TENT4B: variants seen among roughly 807,000 people sequenced by gnomAD.
TENT4B encodes terminal nucleotidyltransferase 4B.
In TENT4B, 10 loss-of-function variants were observed where a neutral mutation model predicts 75.0. That is an observed-to-expected ratio of 0.13 (90% CI 0.08 to 0.23). The LOEUF (loss-of-function observed/expected upper bound fraction) is 0.23, where lower values mean the gene tolerates loss of function less well. Ranked by LOEUF, TENT4B falls within the 10% of genes least tolerant of loss-of-function variation. The pLI, the probability that TENT4B is intolerant of heterozygous loss-of-function variation, is 1.00. For missense variants in TENT4B, 579 were observed against 893.8 expected (o/e 0.65, Z 4.49); for synonymous variants, 350 against 357.7 (o/e 0.98, Z 0.24).
chr16:50,184,487 T>G (rs1168991613), intron 1 of TENT4B, among the ~76,000 whole-genome samples: 2 of 151,992 alleles, frequency 1.3e-5, no homozygotes, highest in African/African-American at 4.8e-5. Context: ...GCTAACACGG[T>G]GAAACCCCGT....
intron 1 of TENT4B, among the ~76,000 whole-genome samples, chr16:50,196,479 G>A (rs1240611301): frequency 7.7e-6 from 1 of 129,674 alleles, no homozygotes; most frequent in Non-Finnish European, 1.6e-5. Flanking sequence ...GTAGCTTTTA[G>A]TTTATCATTA....
At chr16:50,163,001 T>TGA (rs1187340853) in intron 1 of TENT4B, among the ~76,000 whole-genome samples, 2 of 152,324 alleles carry the variant, frequency 1.3e-5, no homozygotes, top group Non-Finnish European at 2.9e-5. Flanking sequence ...AATAGATACT[T>TGA]GATCTTCAAA....
At chr16:50,226,878 T>G (rs1044294358) in intron 10 of TENT4B, among the ~76,000 whole-genome samples, 3 of 152,246 alleles carry the variant, frequency 2.0e-5, no homozygotes, top group Non-Finnish European at 4.4e-5. Context: ...CAGTAGTTTC[T>G]TCTAATTCTT....
chr16:50,185,566 A>T (rs146345756), intron 1 of TENT4B, among the ~76,000 whole-genome samples: 1 of 152,294 alleles, frequency 6.6e-6, no homozygotes, highest in East Asian at 1.9e-4. Flanking sequence ...TTTAATTTAC[A>T]TGCTTCCTTA....
At chr16:50,169,329 TC>T (rs1213010958) in intron 1 of TENT4B, among the ~76,000 whole-genome samples, 7 of 151,756 alleles carry the variant, frequency 4.6e-5, no homozygotes, top group African/African-American at 1.7e-4. Flanking sequence ...GATCCCTTTT[TC>T]CCCTGTATTT....
intron 1 of TENT4B, among the ~76,000 whole-genome samples, chr16:50,160,710 G>C (rs1182085640): frequency 6.6e-6 from 1 of 152,234 alleles, no homozygotes; most frequent in African/African-American, 2.4e-5. Context: ...CGTCATGGCA[G>C]TGGTTAGATA....
intron 1 of TENT4B, among the ~76,000 whole-genome samples, chr16:50,200,102 A>G (rs2030538549): frequency 6.6e-6 from 1 of 152,182 alleles, no homozygotes; most frequent in African/African-American, 2.4e-5. Context: ...GTGGTGGCTC[A>G]TGCCTGTAAT....
intron 1 of TENT4B, among the ~76,000 whole-genome samples, chr16:50,183,218 A>AT (rs1225354625): frequency 1.7e-4 from 26 of 151,388 alleles, no homozygotes; most frequent in African/African-American, 5.6e-4. Flanking sequence ...TAATTTTTCT[A>AT]TTTTTAGTAG....
In TENT4B at chr16:50,227,851, A is replaced by G; in HGVS notation, c.1813A>G (p.Thr605Ala). 1 of 1,614,022 alleles carries G rather than the reference A, an allele frequency of 6.2e-7. No homozygotes were observed. The highest frequency in any genetic ancestry group is 8.5e-7 in the Non-Finnish European group (1 of 1,179,898). The change falls in exon 11 of 12, where the codon ACA becomes GCA. Residue 605 changes from threonine to alanine, a missense_variant. Physicochemically the swap from Thr to Ala is moderately conservative, Grantham distance 58. Around this residue, in one of 7 missense-constraint regions of TENT4B, gnomAD observed 164 missense variants for 226.5 expected, o/e 0.72. Coordinates refer to ENST00000561678, the MANE Select transcript of TENT4B (RefSeq NM_001365324.3). ...TGACTTGTGTTAGGATTCCGATGCAACACCATGCAAAACCCCGAAACAGCT... is the reference window on the plus strand; with the variant it reads ...TGACTTGTGTTAGGATTCCGATGCAGCACCATGCAAAACCCCGAAACAGCT... Reference protein sequence around the residue: ...SSSSDVDSDATPCKTPKQLLC... With the variant: ...SSSSDVDSDAAPCKTPKQLLC...
chr16:50,165,208 CTT>C (rs1030833412), intron 1 of TENT4B, among the ~76,000 whole-genome samples: 6 of 149,328 alleles, frequency 4.0e-5, no homozygotes, highest in African/African-American at 1.2e-4. Flanking sequence ...TTTCTTTTGT[CTT>C]TTTTTGGTTA....
In TENT4B at chr16:50,213,684, TC is replaced by T. The variant is rs550915679; in HGVS notation, c.763-535del. Among the ~76,000 whole-genome samples the T allele has an allele frequency of 3.0e-4, 45 of 152,264 alleles. No individual in the cohort carries two copies. The East Asian group carries it at 8.3e-3, about 28-fold the overall frequency. Reference sequence around the variant, plus strand: ...TTTCTGTATCCACAGGTACCACACCTCCATATTAAACCAACAATGGATTGAA... The same window carrying T: ...TTTCTGTATCCACAGGTACCACACCTCATATTAAACCAACAATGGATTGAA... On this transcript the variant is annotated intron_variant, in intron 2 of 11. Coordinates refer to ENST00000561678, the MANE Select transcript of TENT4B (RefSeq NM_001365324.3).
Position 50,233,034 on chromosome 16 carries a change from CTT to C in TENT4B, c.*3708_*3709del, listed in dbSNP as rs2032341458. On this transcript the variant is annotated 3_prime_UTR_variant, in exon 12 of 12. Transcript: ENST00000561678. ...ATTCTTGTTCTCCTAGTTCATTAAACTTTCAGTTATTGGAAAGGCACATTCTC... is the reference window on the plus strand; with the variant it reads ...ATTCTTGTTCTCCTAGTTCATTAAACTCAGTTATTGGAAAGGCACATTCTC... The C allele has an allele frequency of 9.1e-6, 9 of 984,728 alleles. No individual in the cohort carries two copies. The highest frequency in any genetic ancestry group is 1.1e-5 in the Non-Finnish European group (9 of 829,430). 61.0% of individuals were successfully genotyped at this position (984,728 alleles called of 1,614,324 possible). A position where few individuals can be genotyped will look rare whatever the true frequency, so the allele number is the denominator to read the frequency against.
chr16:50,229,081 A>G, intron 11 of TENT4B, 71 bp from the exon 12 acceptor site: 1 of 1,575,726 alleles, frequency 6.3e-7, no homozygotes, highest in Non-Finnish European at 8.6e-7. Flanking sequence ...GCTTCCCCAA[A>G]TCCAGGTGTT....
At chr16:50,182,913 T>TTTTTTTTTTTTTTTTTG (rs2038447422) in intron 1 of TENT4B, among the ~76,000 whole-genome samples, 1 of 137,786 alleles carries the variant, frequency 7.3e-6, no homozygotes, top group Admixed American at 7.4e-5. Flanking sequence ...TTTTTTTTTT[T>TTTTTTTTTTTTTTTTTG]TTTTTTTTTG....
rs963056180 is a variant in TENT4B, at chr16:50,231,451, G to GT, written c.*2131dup. On this transcript the variant is annotated 3_prime_UTR_variant, in exon 12 of 12. Coordinates refer to ENST00000561678, the MANE Select transcript of TENT4B (RefSeq NM_001365324.3). Reference sequence around the variant, plus strand: ...TCTATGTTACATTTACCACACTGAAGTTTTTTTTGTTGTTTTTTGTTTGTT... The same window carrying GT: ...TCTATGTTACATTTACCACACTGAAGTTTTTTTTTGTTGTTTTTTGTTTGTT... The GT allele has an allele frequency of 2.1e-5, 21 of 985,312 alleles. No homozygotes were observed. The highest frequency in any genetic ancestry group is 1.1e-4 in the East Asian group (1 of 8,810). 61.0% of individuals were successfully genotyped at this position (985,312 alleles called of 1,614,324 possible). A position where few individuals can be genotyped will look rare whatever the true frequency, so the allele number is the denominator to read the frequency against.
rs147457843 is a variant in TENT4B, at chr16:50,176,578, C to A, written c.638+22319C>A. ...CTGGAGTGCAGCGGTGCAATCTCAT[C>A]TCACTGCAACCTCTGCCTCCCGGGT... On this transcript the variant is annotated intron_variant, in intron 1 of 11. Transcript: ENST00000561678. Among the ~76,000 whole-genome samples, 1,007 of 127,616 alleles carry A rather than the reference C, an allele frequency of 7.9e-3. 13 individuals are homozygous for A. Among genetic ancestry groups the A allele is most frequent in the African/African-American group, 0.029 (965 of 33,348 alleles). 83.7% of individuals were successfully genotyped at this position (127,616 alleles called of 152,430 possible). A position where few individuals can be genotyped will look rare whatever the true frequency, so the allele number is the denominator to read the frequency against.
intron 1 of TENT4B, among the ~76,000 whole-genome samples, chr16:50,210,597 C>A (rs1326756504): frequency 6.6e-6 from 1 of 152,234 alleles, no homozygotes; most frequent in African/African-American, 2.4e-5. Context: ...GTTTAATCTT[C>A]TTAAAATGCT....
At chr16:50,211,242 T>G (rs995830544) in intron 1 of TENT4B, 81 bp from the exon 2 acceptor site, 1 of 1,379,588 alleles carries the variant, frequency 7.2e-7, no homozygotes, top group Non-Finnish European at 9.6e-7. Flanking sequence ...TTATAAGACT[T>G]AATTAGATAA....
chr16:50,194,216 C>CTTTTTTTTTTT (rs5816679), intron 1 of TENT4B, among the ~76,000 whole-genome samples: 1 of 139,800 alleles, frequency 7.2e-6, no homozygotes. Context: ...TCTTTTCTTT[C>CTTTTTTTTTTT]TTTTTTTTTT....
Sources: gnomAD v4.1 joint callset for allele counts (sites outside exome capture counted in the v4.1 genomes callset) on GRCh38, gnomAD v4.1.1 for gene constraint, gnomAD v4.1.1 regional missense constraint, MANE v1.5 for transcripts, NCBI Gene and HGNC (gene_info 2026-07-23, HGNC 2026-07-21) for gene names.